Variants in USH2A observed in about 807,000 individuals in gnomAD.
The protein encoded by USH2A is usherin.
USH2A carries 443 observed loss-of-function variants against 538.9 expected under a neutral mutation model. The observed-to-expected ratio is 0.82, with a 90% CI of 0.76 to 0.89. The LOEUF is 0.89. Among genes scored for constraint, USH2A ranks in the 40% least tolerant of loss-of-function variants. The pLI is 0.00. For synonymous variants in USH2A, 2,413 were observed against 2,273.5 expected, an observed-to-expected ratio of 1.06 and a Z score of -1.75; for missense variants, 6,633 against 6,324.8, an observed-to-expected ratio of 1.05 and a Z score of -1.65.
intron 11 of USH2A, among the ~76,000 whole-genome samples, chr1:216,265,754 G>A (rs1344856627): frequency 6.6e-6 from 1 of 152,002 alleles, no homozygotes. Flanking sequence ...AGGGCATTAT[G>A]TTTAGCCCGG....
intron 23 of USH2A, among the ~76,000 whole-genome samples, chr1:216,088,135 T>A (rs1043729621): frequency 3.3e-5 from 5 of 152,108 alleles, no homozygotes; most frequent in Non-Finnish European, 5.9e-5. Context: ...GCCCTGATAC[T>A]TGCTGTCCTC....
intron 52 of USH2A, among the ~76,000 whole-genome samples, chr1:215,785,708 A>G (rs1661779304): frequency 3.3e-5 from 5 of 152,290 alleles, no homozygotes; most frequent in Admixed American, 2.0e-4. Context: ...ATGTTCAATC[A>G]ACCTTATCTC....
intron 47 of USH2A, among the ~76,000 whole-genome samples, chr1:215,836,466 A>ATATATATATAATATATATATAT (rs1663491089): frequency 2.3e-4 from 2 of 8,738 alleles, no homozygotes; most frequent in African/African-American, 8.8e-4. Context: ...TATATATATT[A>ATATATATATAATATATATATAT]TATATATATA....
chr1:216,011,669 T>C (rs1668574195), intron 32 of USH2A, among the ~76,000 whole-genome samples: 2 of 152,066 alleles, frequency 1.3e-5, no homozygotes, highest in African/African-American at 4.8e-5. Flanking sequence ...CCTAATACTT[T>C]AGAGGCCCTC....
At chr1:216,340,536 C>CAAA (rs58985032) in intron 4 of USH2A, among the ~76,000 whole-genome samples, 37,753 of 119,164 alleles carry the variant, frequency 0.32, 5,294 homozygotes, top group Middle Eastern at 0.46. Context: ...AGAGACATGA[C>CAAA]AAAAAAAAAA....
intron 61 of USH2A, among the ~76,000 whole-genome samples, chr1:215,697,571 G>A (rs931568089): frequency 2.0e-5 from 3 of 151,910 alleles, no homozygotes; most frequent in Admixed American, 1.3e-4. Flanking sequence ...GACCTGGCTG[G>A]AGTGCAATGG....
chr1:216,310,744 G>A (rs1448616807), intron 9 of USH2A, among the ~76,000 whole-genome samples: 1 of 152,050 alleles, frequency 6.6e-6, no homozygotes, highest in African/African-American at 2.4e-5. Context: ...TTATTTTTCT[G>A]TGTTCTACTG....
chr1:215,775,360 C>T (rs567039574), intron 55 of USH2A, among the ~76,000 whole-genome samples: 6 of 152,186 alleles, frequency 3.9e-5, no homozygotes, highest in African/African-American at 7.2e-5. Context: ...GATCTGTCTG[C>T]GATTTAGATA....
At chr1:215,941,256 T>C (rs918369268) in intron 37 of USH2A, among the ~76,000 whole-genome samples, 6 of 152,130 alleles carry the variant, frequency 3.9e-5, no homozygotes, top group Non-Finnish European at 7.4e-5. Flanking sequence ...ATGTATATTA[T>C]ACATTTTATA....
At chr1:216,072,998 T>A (rs1413572552) in intron 28 of USH2A, 29 bp from the exon 29 acceptor site, 1 of 1,613,106 alleles carries the variant, frequency 6.2e-7, no homozygotes, top group Non-Finnish European at 8.5e-7. Context: ...GCAGCAAGAT[T>A]AAAATAATAC....
chr1:215,656,175 T>G (rs1239056400), intron 64 of USH2A, among the ~76,000 whole-genome samples: 1 of 152,238 alleles, frequency 6.6e-6, no homozygotes, highest in African/African-American at 2.4e-5. Context: ...ACCTTAATGC[T>G]TTGCCTCGCT....
intron 61 of USH2A, among the ~76,000 whole-genome samples, chr1:215,693,703 G>A (rs1259122863): frequency 6.6e-6 from 1 of 152,212 alleles, no homozygotes; most frequent in Non-Finnish European, 1.5e-5. Flanking sequence ...CTAGCCAGCA[G>A]AGTGACTACA....
chr1:216,095,426 A>T (rs17026077), intron 22 of USH2A, among the ~76,000 whole-genome samples: 6,612 of 152,210 alleles, frequency 0.043, 481 homozygotes, highest in African/African-American at 0.15. Context: ...CTGATTTTTT[A>T]AAAATTTTTT....
At chr1:216,317,084 T>TGGAGAAAA (rs1207099420) in intron 9 of USH2A, among the ~76,000 whole-genome samples, 1 of 152,164 alleles carries the variant, frequency 6.6e-6, no homozygotes, top group Admixed American at 6.5e-5. Context: ...TCCAAGGTTG[T>TGGAGAAAA]GGAGAAAAGG....
intron 49 of USH2A, among the ~76,000 whole-genome samples, chr1:215,804,084 T>C (rs1662419693): frequency 3.3e-5 from 5 of 152,088 alleles, no homozygotes; most frequent in Admixed American, 3.3e-4. Context: ...TAGCCATATG[T>C]AGAAAGCTGA....
chr1:215,866,940 T>G (rs1478831699), intron 44 of USH2A, 67 bp downstream of exon 44: 1 of 1,606,598 alleles, frequency 6.2e-7, no homozygotes, highest in African/African-American at 1.3e-5. Context: ...GGGAGGTTCA[T>G]AGTAAAGAAA....
intron 27 of USH2A, among the ~76,000 whole-genome samples, chr1:216,077,198 C>T (rs556150207): frequency 2.4e-4 from 36 of 152,260 alleles, no homozygotes; most frequent in African/African-American, 8.2e-4. Flanking sequence ...AGAAATGATA[C>T]ACAGATATTG....
At chr1:215,638,736 T>C (rs201162282) in intron 69 of USH2A, among the ~76,000 whole-genome samples, 70 of 152,172 alleles carry the variant, frequency 4.6e-4, no homozygotes, top group East Asian at 4.3e-3. Flanking sequence ...CCTAGCACTT[T>C]GGGAGGCCAA....
At chr1:215,685,384 C>T (rs2820684) in intron 61 of USH2A, among the ~76,000 whole-genome samples, 109,220 of 147,420 alleles carry the variant, frequency 0.74, 40,884 homozygotes, top group East Asian at 0.91. Flanking sequence ...GTTTCACTCT[C>T]GTCGCCCAGG....
Sources: allele counts gnomAD v4.1 joint callset (sites outside exome capture counted in the v4.1 genomes callset), GRCh38; gene constraint gnomAD v4.1.1; transcripts MANE v1.5; gene names NCBI Gene and HGNC (gene_info 2026-07-23, HGNC 2026-07-21).